Variants in IFT27 observed in about 807,000 individuals in gnomAD.
IFT27 encodes the protein intraflagellar transport 27, also known as intraflagellar transport protein 27 homolog.
IFT27 carries 19 observed loss-of-function variants against 23.9 expected under a neutral mutation model. The observed-to-expected ratio is 0.79, with a 90% CI of 0.55 to 1.16. The LOEUF (loss-of-function observed/expected upper bound fraction) is 1.16, where lower values mean the gene tolerates loss of function less well. Among genes scored for constraint, IFT27 ranks in the 50% most tolerant of loss-of-function variants. The probability of loss-of-function intolerance (pLI) is 0.00; values close to 1 mark genes in which losing one functional copy is unlikely to be tolerated. For missense variants in IFT27, 206 were observed against 228.7 expected (o/e 0.90, Z 0.64); for synonymous variants, 91 against 89.1 (o/e 1.02, Z -0.12).
At chr22:36,760,746 CT>C (rs1938068857) in intron 6 of IFT27, 1 of 161,640 alleles carries the variant, frequency 6.2e-6, no homozygotes, top group Non-Finnish European at 1.5e-5. Flanking sequence ...GGAGTGTTAC[CT>C]TGTAGGGCTG....
In IFT27 at chr22:36,775,657, C is replaced by G. The variant is rs749520432; in HGVS notation, c.34+17G>C. The G allele has an allele frequency of 8.7e-6, 14 of 1,613,982 alleles. 1 individual carries two copies. The highest frequency in any genetic ancestry group is 1.2e-5 in the Non-Finnish European group (14 of 1,179,970). Reference sequence around the variant, plus strand: ...CTCCAGAGACCACCGTATTCAAGCGCAAGTTTTCAGACTCACCTGCCAGGA... The same window carrying G: ...CTCCAGAGACCACCGTATTCAAGCGGAAGTTTTCAGACTCACCTGCCAGGA... On this transcript the variant is annotated intron_variant, in intron 1 of 6. Coordinates refer to ENST00000433985, the MANE Select transcript of IFT27 (RefSeq NM_001177701.3).
intron 6 of IFT27, chr22:36,759,933 G>C (rs1938036179): frequency 6.6e-6 from 1 of 152,260 alleles, no homozygotes; most frequent in Admixed American, 6.5e-5. Context: ...CGTGGAGAAA[G>C]TTACCTGGAC....
At position 36,775,844 on chromosome 22, in the gene IFT27, C is replaced by A; in HGVS notation, c.-137G>T. 1 of 578,956 alleles carries A rather than the reference C, an allele frequency of 1.7e-6. No homozygotes were observed. The highest frequency in any genetic ancestry group is 3.0e-6 in the Non-Finnish European group (1 of 337,718). The allele number at this position is 578,956 out of a possible 1,614,324, so 35.9% of individuals were successfully genotyped here. A position where few individuals can be genotyped will look rare whatever the true frequency, so the allele number is the denominator to read the frequency against. ...AGGGCTGATCTCAAGGGTCAGTGGC[C>A]GCGACGGGACTGGGGATGACCGAGC... On this transcript the variant is annotated 5_prime_UTR_variant, in exon 1 of 7. Coordinates refer to ENST00000433985, the MANE Select transcript of IFT27 (RefSeq NM_001177701.3).
Position 36,766,136 on chromosome 22 carries a change from G to A in IFT27, c.234+2C>T, listed in dbSNP as rs1454287949. The A allele has an allele frequency of 6.2e-7, 1 of 1,613,362 alleles. No individual in the cohort carries two copies. The highest frequency in any genetic ancestry group is 1.7e-4 in the Middle Eastern group (1 of 6,060). ...TCAGGAAAAAGACCACGTGCTACTT[G>A]CCAATTTATCCAGCATTTCCGAAAA... On this transcript the variant is annotated splice_donor_variant, in intron 4 of 6. Transcript: ENST00000433985. LOFTEE classifies it low-confidence loss of function (GC_TO_GT_DONOR).
At chr22:36,764,628 AG>A (rs1938196117) in intron 4 of IFT27, among the ~76,000 whole-genome samples, 1 of 152,228 alleles carries the variant, frequency 6.6e-6, no homozygotes, top group African/African-American at 2.4e-5. Flanking sequence ...CTTCTTAATA[AG>A]GGCTGGCTTG....
At chr22:36,764,730 C>T (rs1306266692) in intron 4 of IFT27, among the ~76,000 whole-genome samples, 1 of 152,202 alleles carries the variant, frequency 6.6e-6, no homozygotes, top group Non-Finnish European at 1.5e-5. Context: ...GCTCCATGAC[C>T]CAATTAAGAG....
chr22:36,760,149 C>CT (rs1295112317), intron 6 of IFT27: 1 of 152,276 alleles, frequency 6.6e-6, no homozygotes, highest in African/African-American at 2.4e-5. Context: ...CTGCCGGGCC[C>CT]TGCTAGTTGT....
rs1011470134 is a variant in IFT27, at chr22:36,776,081, G to C, written c.-374C>G. The C allele has an allele frequency of 6.6e-6, 2 of 301,840 alleles. No individual in the cohort carries two copies. The highest frequency in any genetic ancestry group is 1.3e-5 in the Non-Finnish European group (2 of 156,360). The allele number at this position is 301,840 out of a possible 1,614,324, so 18.7% of individuals were successfully genotyped here. On this transcript the variant is annotated 5_prime_UTR_variant, in exon 1 of 7. Coordinates refer to ENST00000433985, the MANE Select transcript of IFT27 (RefSeq NM_001177701.3). ...CGGCTCTCCTCCGATCACAAGTACC[G>C]GGCCGGATGCACTCTCCAAGCAACC...
intron 1 of IFT27, among the ~76,000 whole-genome samples, chr22:36,770,176 G>A (rs1179017737): frequency 6.6e-6 from 1 of 152,164 alleles, no homozygotes; most frequent in African/African-American, 2.4e-5. Context: ...AGAGGATGAC[G>A]TCTGCAAGGG....
intron 1 of IFT27, among the ~76,000 whole-genome samples, chr22:36,774,530 G>A (rs1162267919): frequency 4.6e-5 from 7 of 152,182 alleles, no homozygotes; most frequent in South Asian, 2.1e-4. Flanking sequence ...GTACCTGGCC[G>A]GGCGCAGTGG....
At chr22:36,758,732 C>A in intron 6 of IFT27, 1 of 274,938 alleles carries the variant, frequency 3.6e-6, no homozygotes, top group Non-Finnish European at 7.1e-6. Context: ...GAAAATGACA[C>A]CTTTCCTCAG....
intron 2 of IFT27, 102 bp from the exon 3 acceptor site, chr22:36,767,467 G>A (rs989615233): frequency 2.5e-5 from 26 of 1,041,730 alleles, no homozygotes; most frequent in Non-Finnish European, 3.3e-5. Flanking sequence ...GCTATCTCCA[G>A]TGGAAGGGTT....
Position 36,766,162 on chromosome 22 carries a change from C to T in IFT27, c.210G>A (p.Leu70=), listed in dbSNP as rs761548641. The change falls in exon 4 of 7, where the codon CTG becomes CTA. Residue 70 remains leucine, a synonymous_variant. Transcript: ENST00000433985. ...LFIFDSAGKE[L]FSEMLDKLWE... is the part of the protein sequence containing the mutation. ...CCAATTTATCCAGCATTTCCGAAAA[C>T]AGCTCCTTGCCAGCAGAGTCAAAAA... The T allele has an allele frequency of 1.1e-5, 17 of 1,614,066 alleles. No individual in the cohort carries two copies. In the South Asian group the frequency reaches 1.9e-4, roughly 18 times the overall value.
At chr22:36,759,695 A>G (rs2145911719) in intron 6 of IFT27, 1 of 152,372 alleles carries the variant, frequency 6.6e-6, no homozygotes, top group Non-Finnish European at 1.5e-5. Context: ...CAACCTTGAG[A>G]AGAGGCCGTG....
rs1282747488 is a variant in IFT27, at chr22:36,775,702, C to A, written c.6G>T (p.Val2=). 1 of 1,614,180 alleles carries A rather than the reference C, an allele frequency of 6.2e-7. No individual in the cohort carries two copies. ...CCAGGATGCATTTGGCTGCCAGCTT[C>A]ACCATGGTAACCAACACTCCCGCGA... M[V]KLAAKCILAG... Residue 2 remains valine (V), a synonymous_variant, in exon 1 of 7, where the codon GTG becomes GTT. Coordinates refer to ENST00000433985, the MANE Select transcript of IFT27 (RefSeq NM_001177701.3).
At chr22:36,770,343 C>T (rs1938361075) in intron 1 of IFT27, among the ~76,000 whole-genome samples, 1 of 152,026 alleles carries the variant, frequency 6.6e-6, no homozygotes. Flanking sequence ...CCTGCCCTGG[C>T]CTGGTTCTCC....
In IFT27 at chr22:36,775,819, A is replaced by G; in HGVS notation, c.-112T>C. The G allele has an allele frequency of 3.3e-6, 3 of 907,062 alleles. No homozygotes were observed. The highest frequency in any genetic ancestry group is 5.0e-6 in the Non-Finnish European group (3 of 596,060). The allele number at this position is 907,062 out of a possible 1,614,324, so 56.2% of individuals were successfully genotyped here. On this transcript the variant is annotated 5_prime_UTR_variant, in exon 1 of 7. Transcript: ENST00000433985. ...CCTGGGACGGGAAGGTGGGGAGGGG[A>G]GGGCTGATCTCAAGGGTCAGTGGCC...
chr22:36,766,697 G>A (rs1354581994), intron 3 of IFT27, among the ~76,000 whole-genome samples: 6 of 152,124 alleles, frequency 3.9e-5, no homozygotes, highest in South Asian at 2.1e-4. Context: ...CAGAGGGTGC[G>A]GGATGACCCT....
At chr22:36,765,563 C>G (rs535833737) in intron 4 of IFT27, among the ~76,000 whole-genome samples, 2 of 152,220 alleles carry the variant, frequency 1.3e-5, no homozygotes, top group South Asian at 4.1e-4. Context: ...GGGGAGGGCT[C>G]TGGAGAACTC....
Sources: gnomAD v4.1 joint callset for allele counts (sites outside exome capture counted in the v4.1 genomes callset) on GRCh38, gnomAD v4.1.1 for gene constraint, MANE v1.5 for transcripts, NCBI Gene and HGNC (gene_info 2026-07-23, HGNC 2026-07-21) for gene names.